Variants in ZNF486 observed in about 807,000 individuals in gnomAD.
The protein encoded by ZNF486 is zinc finger protein 486.
Under a neutral mutation model 12.8 loss-of-function variants are expected in ZNF486, and 12 were observed. The ratio of observed to expected loss-of-function variants is 0.94; its 90% confidence interval spans 0.60 to 1.52. ZNF486 has a LOEUF of 1.52. Ranked by LOEUF, ZNF486 falls within the 40% of genes most tolerant of loss-of-function variation. The pLI is 0.00. For missense variants in ZNF486, 738 were observed against 545.0 expected (o/e 1.35, Z -3.53); for synonymous variants, 231 against 184.9 (o/e 1.25, Z -2.02).
intron 3 of ZNF486, among the ~76,000 whole-genome samples, chr19:20,187,753 T>G (rs2089865027): frequency 6.6e-6 from 1 of 152,126 alleles, no homozygotes; most frequent in South Asian, 2.1e-4. Context: ...TCCATCCGCC[T>G]CGGCCTCCCA....
intron 1 of ZNF486, among the ~76,000 whole-genome samples, chr19:20,168,417 G>A (rs1464229215): frequency 6.6e-6 from 1 of 152,208 alleles, no homozygotes; most frequent in Non-Finnish European, 1.5e-5. Flanking sequence ...CACTTTGGGA[G>A]GCCAAGGCAG....
chr19:20,177,366 G>A (rs1457847053), intron 1 of ZNF486, among the ~76,000 whole-genome samples: 3 of 152,304 alleles, frequency 2.0e-5, no homozygotes, highest in African/African-American at 4.8e-5. Flanking sequence ...CTGTTATGAA[G>A]ATGTGAAAAG....
chr19:20,171,459 C>G (rs931291486), intron 1 of ZNF486, among the ~76,000 whole-genome samples: 2 of 152,214 alleles, frequency 1.3e-5, no homozygotes, highest in East Asian at 3.8e-4. Flanking sequence ...ATTTTTGATC[C>G]TAGTGTTTCT....
At position 20,196,995 on chromosome 19, in the gene ZNF486, G is replaced by T; in HGVS notation, c.285G>T (p.Trp95Cys). ...GTTCTCATTTTGCCCAAGACCTTTGGCCAGAGCAGAGCATAAAAGATTCTT... is the reference window on the plus strand; with the variant it reads ...GTTCTCATTTTGCCCAAGACCTTTGTCCAGAGCAGAGCATAAAAGATTCTT... ...VVCSHFAQDL[W>C]PEQSIKDSYQ... Residue 95 changes from tryptophan to cysteine, a missense_variant, in exon 4 of 4, where the codon TGG becomes TGT. Trp to Cys is a radical substitution (Grantham distance 215). Transcript: ENST00000335117. 1.3e-6 allele frequency: 2 copies of T among 1,581,708 alleles called. No individual in the cohort carries two copies. The highest frequency in any genetic ancestry group is 2.4e-5 in the South Asian group (2 of 84,452).
intron 1 of ZNF486, 86 bp from the exon 2 acceptor site, chr19:20,184,270 G>A: frequency 1.3e-6 from 2 of 1,577,756 alleles, no homozygotes; most frequent in Non-Finnish European, 1.7e-6. Flanking sequence ...GTAAGAATCA[G>A]TTCTCTTACT....
At chr19:20,186,138 CA>C (rs1311229249) in intron 3 of ZNF486, 56 bp downstream of exon 3, 4 of 1,373,046 alleles carry the variant, frequency 2.9e-6, no homozygotes, top group Admixed American at 2.5e-5. Flanking sequence ...GTCCCAAGGT[CA>C]AAAAGAAAGC....
chr19:20,185,776 AC>A (rs1555716308), intron 2 of ZNF486, among the ~76,000 whole-genome samples: 1 of 150,350 alleles, frequency 6.7e-6, no homozygotes, highest in East Asian at 1.9e-4. Context: ...ATAAACAGCA[AC>A]TTTTTACTTA....
intron 1 of ZNF486, among the ~76,000 whole-genome samples, chr19:20,179,793 A>G (rs1017263488): frequency 1.3e-5 from 2 of 152,230 alleles, no homozygotes; most frequent in Non-Finnish European, 2.9e-5. Context: ...GGCCTGCTAC[A>G]GTGATGTGAG....
intron 1 of ZNF486, among the ~76,000 whole-genome samples, chr19:20,181,305 C>T (rs929741347): frequency 6.6e-6 from 1 of 151,994 alleles, no homozygotes; most frequent in African/African-American, 2.4e-5. Context: ...TTTGGGAGGC[C>T]AAGGCGGGCA....
intron 3 of ZNF486, among the ~76,000 whole-genome samples, chr19:20,192,998 T>A (rs1405572129): frequency 1.3e-5 from 2 of 151,924 alleles, no homozygotes; most frequent in African/African-American, 4.8e-5. Flanking sequence ...CCTGTTTTAC[T>A]TTCTTAATTT....
At chr19:20,185,609 C>T (rs1171832951) in intron 2 of ZNF486, among the ~76,000 whole-genome samples, 1 of 151,350 alleles carries the variant, frequency 6.6e-6, no homozygotes, top group African/African-American at 2.4e-5. Flanking sequence ...GGGGTTTCAC[C>T]ATGTTGGCCA....
Position 20,185,909 on chromosome 19 carries a change from T to C in ZNF486, c.158-78T>C, listed in dbSNP as rs547582153. 11 of 832,584 alleles carry C rather than the reference T, an allele frequency of 1.3e-5. No homozygotes were observed. In the South Asian group the frequency reaches 4.1e-4, roughly 31 times the overall value. 51.6% of individuals were successfully genotyped at this position (832,584 alleles called of 1,614,324 possible). On this transcript the variant is annotated intron_variant, in intron 2 of 3. Coordinates refer to ENST00000335117, the MANE Select transcript of ZNF486 (RefSeq NM_052852.4). ...AATTTACTAGAATATTTTATTACATTCTTTCTGCTGAGCACATTACTAGCT... is the reference window on the plus strand; with the variant it reads ...AATTTACTAGAATATTTTATTACATCCTTTCTGCTGAGCACATTACTAGCT...
intron 1 of ZNF486, chr19:20,174,881 G>C (rs996297987): frequency 4.6e-5 from 7 of 152,072 alleles, no homozygotes; most frequent in Non-Finnish European, 1.5e-5. Context: ...CATTAAATTG[G>C]TATGCTGCTA....
Position 20,200,438 on chromosome 19 carries a change from TATTTTACTTATTGTACTTTTATG to T in ZNF486, c.*2337_*2359del, listed in dbSNP as rs1555718752. The T allele has an allele frequency of 2.0e-5, 3 of 152,166 alleles. No homozygotes were observed. The highest frequency in any genetic ancestry group is 6.6e-5 in the Admixed American group (1 of 15,252). The allele number at this position is 152,166 out of a possible 1,614,324, so 9.4% of individuals were successfully genotyped here. On this transcript the variant is annotated 3_prime_UTR_variant, in exon 4 of 4. Coordinates refer to ENST00000335117, the MANE Select transcript of ZNF486 (RefSeq NM_052852.4). ...AAAAGTATATTAAACTAAATTCGTA[TATTTTACTTATTGTACTTTTATG>T]TAATAAAATGCAGTGCATTTAAAAA...
intron 1 of ZNF486, among the ~76,000 whole-genome samples, chr19:20,181,926 C>T (rs1555715647): frequency 6.6e-6 from 1 of 152,238 alleles, no homozygotes; most frequent in African/African-American, 2.4e-5. Flanking sequence ...ATGCCCAGCA[C>T]AGTGCTCTGT....
rs782519048 is a variant in ZNF486 at position 20,197,981 on chromosome 19, A to G, written c.1271A>G (p.His424Arg). The G allele has an allele frequency of 2.0e-5, 32 of 1,613,740 alleles. No homozygotes were observed. Among genetic ancestry groups the G allele is most frequent in the South Asian group, 3.3e-5 (3 of 91,058 alleles). Residue 424 changes from histidine to arginine, a missense_variant, in exon 4 of 4, where the codon CAT becomes CGT. His to Arg is a conservative substitution (Grantham distance 29). Transcript: ENST00000335117. ...ACTACATCCTCAAATCTAACTGAACATAAGACAACTCATACTGGAGAGAAA... is the reference window on the plus strand; with the variant it reads ...ACTACATCCTCAAATCTAACTGAACGTAAGACAACTCATACTGGAGAGAAA... Reference protein sequence around the residue: ...AYTTSSNLTEHKTTHTGEKPY... With the variant: ...AYTTSSNLTERKTTHTGEKPY...
intron 3 of ZNF486, among the ~76,000 whole-genome samples, chr19:20,190,709 T>G (rs1168502937): frequency 1.3e-5 from 2 of 152,222 alleles, no homozygotes; most frequent in Non-Finnish European, 1.5e-5. Context: ...TAATAAAACT[T>G]GGTATGTGTC....
At chr19:20,196,750 T>A (rs1555718009) in intron 3 of ZNF486, among the ~76,000 whole-genome samples, 1 of 152,106 alleles carries the variant, frequency 6.6e-6, no homozygotes, top group African/African-American at 2.4e-5. Flanking sequence ...CTAGGGACTT[T>A]CACACACTTA....
At chr19:20,169,334 C>T (rs563995889) in intron 1 of ZNF486, among the ~76,000 whole-genome samples, 27 of 152,320 alleles carry the variant, frequency 1.8e-4, no homozygotes, top group African/African-American at 6.3e-4. Context: ...GTCTCTAACT[C>T]CCAACCTCAG....
Sources: allele counts gnomAD v4.1 joint callset (sites outside exome capture counted in the v4.1 genomes callset), GRCh38; gene constraint gnomAD v4.1.1; transcripts MANE v1.5; gene names NCBI Gene and HGNC (gene_info 2026-07-23, HGNC 2026-07-21).